Variants in TAFA5 observed in about 807,000 individuals in gnomAD.
TAFA5 encodes the protein chemokine-like protein TAFA-5.
Under a neutral mutation model 15.3 loss-of-function variants are expected in TAFA5, and 6 were observed. The ratio of observed to expected loss-of-function variants is 0.39; its 90% confidence interval spans 0.21 to 0.77. TAFA5 has a LOEUF of 0.77. TAFA5 is among the 30% of genes least tolerant of loss of function. The pLI is 0.41. For missense variants in TAFA5, 161 were observed against 193.1 expected (o/e 0.83, Z 0.98); for synonymous variants, 103 against 80.7 (o/e 1.28, Z -1.48).
chr22:48,550,793 C>T lies in TAFA5; in HGVS notation c.112+61089C>T, dbSNP rs1601573055. Among the ~76,000 whole-genome samples, 1 of 152,120 alleles carries T rather than the reference C, an allele frequency of 6.6e-6. No individual in the cohort carries two copies. The highest frequency in any genetic ancestry group is 1.9e-4 in the East Asian group (1 of 5,164). On this transcript the variant is annotated intron_variant, in intron 1 of 3. Transcript: ENST00000402357. This position sits in a 1 kb window ranked among gnomAD's most constrained non-coding sequence, Gnocchi z 4.1. ...CTGGGCTCCAGAAAGCTTTCTCTGA[C>T]CTTCTTGTTCTCGGGAAAGAGCGGT...
intron 1 of TAFA5, among the ~76,000 whole-genome samples, chr22:48,562,084 A>G (rs1710765397): frequency 6.6e-6 from 1 of 152,116 alleles, no homozygotes; most frequent in Admixed American, 6.5e-5. Context: ...ATTTGCAGCC[A>G]TCTCTGCTGC....
chr22:48,514,122 C>A (rs1042535859), intron 1 of TAFA5, among the ~76,000 whole-genome samples: 1 of 152,128 alleles, frequency 6.6e-6, no homozygotes, highest in Non-Finnish European at 1.5e-5. Context: ...GTGTCAGGGC[C>A]CTTGGCTGCA....
In TAFA5 at chr22:48,633,526, CTGTCTG is replaced by C. The variant is rs775484765; in HGVS notation, c.113-13069_113-13064del. On this transcript the variant is annotated intron_variant, in intron 1 of 3. Coordinates refer to ENST00000402357, the MANE Select transcript of TAFA5 (RefSeq NM_001082967.3). Reference sequence around the variant, plus strand: ...TCTGTCTGTCTGTCTGTCTGTCTGTCTGTCTGTCTCTCCCTCTCTCTCTCTCTCTCT... The same window carrying C: ...TCTGTCTGTCTGTCTGTCTGTCTGTCTCTCTCCCTCTCTCTCTCTCTCTCT... Among the ~76,000 whole-genome samples the C allele has an allele frequency of 2.6e-3, 326 of 123,558 alleles. 9 individuals are homozygous for C. The highest frequency in any genetic ancestry group is 7.5e-3 in the East Asian group (29 of 3,842). 81.1% of individuals were successfully genotyped at this position (123,558 alleles called of 152,430 possible). A position where few individuals can be genotyped will look rare whatever the true frequency, so the allele number is the denominator to read the frequency against.
chr22:48,662,784 C>A (rs969058615), intron 2 of TAFA5, among the ~76,000 whole-genome samples: 1 of 152,186 alleles, frequency 6.6e-6, no homozygotes, highest in Non-Finnish European at 1.5e-5. Context: ...GGACACAGGG[C>A]CCTAGGCGAT....
chr22:48,671,341 T>C (rs1011751224), intron 2 of TAFA5, among the ~76,000 whole-genome samples: 2 of 152,222 alleles, frequency 1.3e-5, no homozygotes, highest in African/African-American at 4.8e-5. Context: ...CCCTTTCACC[T>C]GTCTTTCTCT....
At chr22:48,508,153 A>G (rs1234731900) in intron 1 of TAFA5, among the ~76,000 whole-genome samples, 1 of 152,144 alleles carries the variant, frequency 6.6e-6, no homozygotes, top group Non-Finnish European at 1.5e-5. Flanking sequence ...TTTCTCTCTC[A>G]GGGAGGTGAC....
chr22:48,666,448 ACT>A (rs1927611868), intron 2 of TAFA5, among the ~76,000 whole-genome samples: 1 of 52,634 alleles, frequency 1.9e-5, no homozygotes, highest in East Asian at 1.5e-3. Context: ...CCATCACTGG[ACT>A]CTCTTATTGG....
chr22:48,559,620 G>T (rs546661021), intron 1 of TAFA5, among the ~76,000 whole-genome samples: 1 of 152,080 alleles, frequency 6.6e-6, no homozygotes, highest in Non-Finnish European at 1.5e-5. Context: ...CTTTTCTGGG[G>T]CAGTCAAGCC....
rs1409206730 is a variant in TAFA5, at chr22:48,529,257, CAGG to C, written c.112+39554_112+39556del. 1.9e-3 allele frequency among the ~76,000 whole-genome samples: 159 copies of C among 85,842 alleles called. No homozygotes were observed. The East Asian group carries it at 0.024, about 13-fold the overall frequency. The allele number at this position is 85,842 out of a possible 152,430, so 56.3% of individuals were successfully genotyped here. A position where few individuals can be genotyped will look rare whatever the true frequency, so the allele number is the denominator to read the frequency against. ...GTGTTCAGGCAGGAGATGGGGGTGT[CAGG>C]CAGGAGATGAGGGTGTCAGACAGGA... On this transcript the variant is annotated intron_variant, in intron 1 of 3. Coordinates refer to ENST00000402357, the MANE Select transcript of TAFA5 (RefSeq NM_001082967.3).
intron 1 of TAFA5, among the ~76,000 whole-genome samples, chr22:48,542,488 T>C (rs1445579300): frequency 1.0e-4 from 13 of 126,818 alleles, no homozygotes; most frequent in Non-Finnish European, 2.1e-4. Flanking sequence ...GTGGTGTGTG[T>C]GTGGTGTGTG....
intron 1 of TAFA5, among the ~76,000 whole-genome samples, chr22:48,607,799 TAAAAA>T (rs967983099): frequency 6.6e-6 from 1 of 151,674 alleles, no homozygotes; most frequent in African/African-American, 2.4e-5. Flanking sequence ...TCCAGTTCAT[TAAAAA>T]AAACAAAAAC....
chr22:48,703,647 GC>G (rs2147248169), intron 2 of TAFA5, among the ~76,000 whole-genome samples: 1 of 152,344 alleles, frequency 6.6e-6, no homozygotes, highest in South Asian at 2.1e-4. Context: ...TCCACCCTCA[GC>G]GTCCTTCTCC....
At chr22:48,575,815 A>C (rs1923757843) in intron 1 of TAFA5, among the ~76,000 whole-genome samples, 2 of 137,704 alleles carry the variant, frequency 1.5e-5, no homozygotes, top group South Asian at 2.3e-4. Flanking sequence ...GGCGGCGGCG[A>C]TGGTGCGGCA....
intron 1 of TAFA5, among the ~76,000 whole-genome samples, chr22:48,573,952 AC>A (rs1923672520): frequency 6.6e-6 from 1 of 151,900 alleles, no homozygotes; most frequent in South Asian, 2.1e-4. Flanking sequence ...CACCCAGAAG[AC>A]CCCCGAGTCC....
chr22:48,578,856 CA>C (rs1464786327), intron 1 of TAFA5, among the ~76,000 whole-genome samples: 76 of 151,960 alleles, frequency 5.0e-4, no homozygotes, highest in South Asian at 1.7e-3. Flanking sequence ...GTGAGAGGTG[CA>C]GGGAGGGGGG....
intron 1 of TAFA5, among the ~76,000 whole-genome samples, chr22:48,632,014 G>A (rs1362592214): frequency 4.6e-5 from 7 of 152,196 alleles, no homozygotes; most frequent in Non-Finnish European, 8.8e-5. Context: ...GCAATCCTGT[G>A]TTCCTTCATC....
chr22:48,511,780 C>T (rs1332138004), intron 1 of TAFA5, among the ~76,000 whole-genome samples: 1 of 152,270 alleles, frequency 6.6e-6, no homozygotes, highest in Non-Finnish European at 1.5e-5. Flanking sequence ...CAAGACGGTG[C>T]TGACAGTTTC....
In TAFA5 at chr22:48,707,168, G is replaced by A. The variant is rs142671538; in HGVS notation, c.263-549G>A. 9.2e-3 allele frequency among the ~76,000 whole-genome samples: 1,407 copies of A among 152,146 alleles called. 16 individuals carry two copies. Among genetic ancestry groups the A allele is most frequent in the African/African-American group, 0.032 (1,313 of 41,506 alleles). On this transcript the variant is annotated intron_variant, in intron 2 of 3. Coordinates refer to ENST00000402357, the MANE Select transcript of TAFA5 (RefSeq NM_001082967.3). ...TCAGCCGGGCATCTGCAGATGAGAC[G>A]AGGCGGGAGTAGGATGGGGGCCAGG...
At chr22:48,686,185 C>T (rs1338199171) in intron 2 of TAFA5, among the ~76,000 whole-genome samples, 2 of 152,184 alleles carry the variant, frequency 1.3e-5, no homozygotes, top group African/African-American at 2.4e-5. Flanking sequence ...CGTCTGAGGC[C>T]GCCAGGGGTC....
Sources: allele counts gnomAD v4.1 joint callset (sites outside exome capture counted in the v4.1 genomes callset), GRCh38; gene constraint gnomAD v4.1.1; non-coding constraint Gnocchi (gnomAD v3.1); transcripts MANE v1.5; gene names NCBI Gene and HGNC (gene_info 2026-07-23, HGNC 2026-07-21).